ULK2: variants seen among roughly 807,000 people sequenced by gnomAD.
ULK2 encodes serine/threonine-protein kinase ULK2.
A neutral mutation model predicts 127.5 loss-of-function variants in ULK2; 76 were observed. That is an observed-to-expected ratio of 0.60 (90% CI 0.50 to 0.72). ULK2 has a LOEUF of 0.72. Ranked by LOEUF, ULK2 falls within the 30% of genes least tolerant of loss-of-function variation. The probability of loss-of-function intolerance (pLI) is 0.00; values close to 1 mark genes in which losing one functional copy is unlikely to be tolerated. For synonymous variants in ULK2, 452 were observed against 461.9 expected (o/e 0.98, Z 0.28); for missense variants, 1,144 against 1,295.9 (o/e 0.88, Z 1.80).
intron 3 of ULK2, among the ~76,000 whole-genome samples, chr17:19,863,285 A>C (rs2042281636): frequency 2.0e-5 from 3 of 152,256 alleles, no homozygotes; most frequent in Admixed American, 6.5e-5. Context: ...TTTTAGCTAG[A>C]AATATATATG....
In ULK2 at chr17:19,804,833, G is replaced by A; in HGVS notation, c.1158-3C>T. Reference sequence around the variant, plus strand: ...GTGACACAGTAGGCTGACACTGCCTGCAATCGTAATTTATTGAAAAAGGAA... The same window carrying A: ...GTGACACAGTAGGCTGACACTGCCTACAATCGTAATTTATTGAAAAAGGAA... On this transcript the variant is annotated splice_polypyrimidine_tract_variant and splice_region_variant and intron_variant, in intron 14 of 26. Transcript: ENST00000395544. 1 of 1,609,636 alleles carries A rather than the reference G, an allele frequency of 6.2e-7. No individual in the cohort carries two copies. Among genetic ancestry groups the A allele is most frequent in the Non-Finnish European group, 8.5e-7 (1 of 1,178,188 alleles).
chr17:19,818,859 G>T (rs954394907), intron 12 of ULK2, among the ~76,000 whole-genome samples: 7 of 143,680 alleles, frequency 4.9e-5, no homozygotes, highest in African/African-American at 1.8e-4. Flanking sequence ...GGAGTACAGT[G>T]GCATGATCTT....
intron 6 of ULK2, among the ~76,000 whole-genome samples, chr17:19,846,198 C>T (rs1324272091): frequency 1.3e-5 from 2 of 152,072 alleles, no homozygotes; most frequent in Non-Finnish European, 1.5e-5. Flanking sequence ...ATTTTCCTCT[C>T]GAGAGACGCA....
chr17:19,841,843 A>G (rs1567717492), intron 8 of ULK2, among the ~76,000 whole-genome samples: 3 of 152,172 alleles, frequency 2.0e-5, no homozygotes, highest in Non-Finnish European at 4.4e-5. Context: ...AATTCTGTAC[A>G]TCTGAGTATA....
chr17:19,804,602 T>C (rs2087473011), intron 15 of ULK2, 91 bp downstream of exon 15: 9 of 1,407,370 alleles, frequency 6.4e-6, no homozygotes, highest in Non-Finnish European at 8.6e-6. Context: ...TAAGACACTA[T>C]GCCACAGAAA....
chr17:19,823,012 G>C (rs1242835877), intron 12 of ULK2, among the ~76,000 whole-genome samples: 2 of 150,312 alleles, frequency 1.3e-5, no homozygotes, highest in East Asian at 3.9e-4. Flanking sequence ...TTTTAATAGA[G>C]GCAGGTTCTT....
At chr17:19,862,803 C>G (rs909344243) in intron 3 of ULK2, among the ~76,000 whole-genome samples, 5 of 152,064 alleles carry the variant, frequency 3.3e-5, no homozygotes, top group African/African-American at 1.2e-4. Flanking sequence ...AAATATACAA[C>G]AGCCCATTTG....
At chr17:19,812,037 G>A (rs996592270) in intron 13 of ULK2, among the ~76,000 whole-genome samples, 1 of 152,164 alleles carries the variant, frequency 6.6e-6, no homozygotes, top group Non-Finnish European at 1.5e-5. Flanking sequence ...GTTGATGGAC[G>A]AGTAGTATTT....
chr17:19,840,486 T>C (rs1261656798), intron 9 of ULK2: 6 of 461,102 alleles, frequency 1.3e-5, no homozygotes, highest in East Asian at 1.1e-4. Context: ...GGAAGGAAAA[T>C]TGGATCAAAC....
rs544672735 is a variant in ULK2, at chr17:19,863,478, T to C, written c.225+1325A>G. 1.9e-4 allele frequency among the ~76,000 whole-genome samples: 29 copies of C among 150,794 alleles called. No homozygotes were observed. The South Asian group carries it at 6.1e-3, about 32-fold the overall frequency. On this transcript the variant is annotated intron_variant, in intron 3 of 26. Transcript: ENST00000395544. ...CCACAGCTCTCACATGGTATCACAC[T>C]AGCTACATGTGATTCTAGTTTTTTT...
intron 9 of ULK2, 74 bp from the exon 10 acceptor site, chr17:19,838,657 T>C (rs748274819): frequency 1.6e-5 from 20 of 1,285,778 alleles, no homozygotes; most frequent in Non-Finnish European, 2.2e-5. Context: ...GCCTTCCATA[T>C]AGTAAACTAA....
At chr17:19,794,319 C>T (rs1014303116) in intron 20 of ULK2, among the ~76,000 whole-genome samples, 7 of 152,008 alleles carry the variant, frequency 4.6e-5, no homozygotes, top group Non-Finnish European at 5.9e-5. Context: ...ATATACTTAA[C>T]GGGAATACCA....
At chr17:19,863,503 T>G (rs1038021510) in intron 3 of ULK2, among the ~76,000 whole-genome samples, 7 of 151,076 alleles carry the variant, frequency 4.6e-5, no homozygotes, top group East Asian at 1.9e-4. Context: ...CTAGTTTTTT[T>G]TTTTTTTTTT....
At position 19,840,111 on chromosome 17, in the gene ULK2, CT is replaced by C. The variant is rs1337790177; in HGVS notation, c.704+1377del. 64 of 377,168 alleles carry C rather than the reference CT, an allele frequency of 1.7e-4. No individual in the cohort carries two copies. The East Asian group carries it at 4.8e-3, about 28-fold the overall frequency. The allele number at this position is 377,168 out of a possible 1,614,324, so 23.4% of individuals were successfully genotyped here. On this transcript the variant is annotated intron_variant, in intron 9 of 26. Transcript: ENST00000395544. ...GCATACAGTGGCAGGTGCAGTTGAG[CT>C]CTGGGTCACCAAGATGTCGTTCCCA...
intron 20 of ULK2, among the ~76,000 whole-genome samples, chr17:19,795,065 C>T (rs1481419942): frequency 4.6e-5 from 7 of 151,528 alleles, no homozygotes; most frequent in African/African-American, 9.7e-5. Context: ...GGCGACTGAG[C>T]GAGACTTCAT....
chr17:19,818,277 T>C (rs1237701823), intron 12 of ULK2, among the ~76,000 whole-genome samples: 2 of 147,146 alleles, frequency 1.4e-5, no homozygotes, highest in Non-Finnish European at 3.0e-5. Flanking sequence ...GAGCCAAGAC[T>C]GCGCCACTGC....
chr17:19,786,056 G>T lies in ULK2; in HGVS notation c.2132C>A (p.Ala711Glu). Residue 711 changes from alanine to glutamate, a missense_variant, in exon 21 of 27, where the codon GCA becomes GAA. This residue lies in a region of ULK2 where 913 missense variants were observed against 970.5 expected (regional missense o/e 0.94). Transcript: ENST00000395544. ...ACTTGCTGCTGTACCTGCAGGAGGTGCCAGAACACCACCACAGGCTCCTGC... is the reference window on the plus strand; with the variant it reads ...ACTTGCTGCTGTACCTGCAGGAGGTTCCAGAACACCACCACAGGCTCCTGC... The part of the protein sequence containing the change: ...APAGACGGVL[A>E]PPAGTAASSK... 1 of 1,570,214 alleles carries T rather than the reference G, an allele frequency of 6.4e-7. No homozygotes were observed. The highest frequency in any genetic ancestry group is 8.6e-7 in the Non-Finnish European group (1 of 1,164,744).
chr17:19,841,448 T>G (rs761957255), intron 9 of ULK2, 41 bp downstream of exon 9: 1 of 1,523,458 alleles, frequency 6.6e-7, no homozygotes, highest in Admixed American at 2.2e-5. Context: ...AACAACACTG[T>G]ATTCACAAAT....
chr17:19,851,513 G>A (rs1004674272), intron 3 of ULK2, among the ~76,000 whole-genome samples: 6 of 150,846 alleles, frequency 4.0e-5, no homozygotes, highest in Admixed American at 6.6e-5. Flanking sequence ...GGTGGTGCAC[G>A]CCTGCAATCC....
Sources: allele counts gnomAD v4.1 joint callset (sites outside exome capture counted in the v4.1 genomes callset), GRCh38; gene constraint gnomAD v4.1.1; regional missense constraint gnomAD v4.1.1; transcripts MANE v1.5; gene names NCBI Gene and HGNC (gene_info 2026-07-23, HGNC 2026-07-21).